CEP135: variants seen among roughly 807,000 people sequenced by gnomAD.
CEP135 encodes the protein centrosomal protein of 135 kDa.
CEP135 carries 142 observed loss-of-function variants against 157.3 expected under a neutral mutation model. The ratio of observed to expected loss-of-function variants is 0.90; its 90% CI spans 0.79 to 1.04. The LOEUF is 1.04. Among genes scored for constraint, CEP135 ranks in the 50% least tolerant of loss-of-function variants. The pLI is 0.00. For synonymous variants in CEP135, 396 were observed against 439.8 expected, an observed-to-expected ratio of 0.90 and a Z score of 1.25; for missense variants, 1,317 against 1,309.2, an observed-to-expected ratio of 1.01 and a Z score of -0.09.
intron 10 of CEP135, among the ~76,000 whole-genome samples, chr4:55,973,808 G>C (rs1397732461): frequency 6.6e-6 from 1 of 152,112 alleles, no homozygotes; most frequent in Non-Finnish European, 1.5e-5. Flanking sequence ...GTCCACTCCA[G>C]TTGGCTTCTG....
chr4:55,950,000 A>C lies in CEP135; in HGVS notation c.-46+941A>C, dbSNP rs377399813. On this transcript the variant is annotated intron_variant, in intron 1 of 25. Transcript: ENST00000257287. ...TGTTTTGAGTGGTGCACCGCCTGTA[A>C]GTTTACACCCTGCTAGTAATACACC... Among the ~76,000 whole-genome samples, 355 of 152,312 alleles carry C rather than the reference A, an allele frequency of 2.3e-3. 1 individual carries two copies. The highest frequency in any genetic ancestry group is 8.2e-3 in the African/African-American group (341 of 41,548).
chr4:55,983,333 T>C (rs768536940), intron 13 of CEP135, among the ~76,000 whole-genome samples: 2 of 152,208 alleles, frequency 1.3e-5, no homozygotes, highest in African/African-American at 2.4e-5. Flanking sequence ...CCTTCTGGGT[T>C]GTAGGAGGCA....
intron 11 of CEP135, among the ~76,000 whole-genome samples, chr4:55,976,996 A>C (rs1577879912): frequency 6.9e-6 from 1 of 144,324 alleles, no homozygotes; most frequent in Non-Finnish European, 1.5e-5. Flanking sequence ...TGTTTTTTGT[A>C]TTTTTTGTAG....
intron 8 of CEP135, among the ~76,000 whole-genome samples, chr4:55,968,368 A>G (rs116773626): frequency 0.025 from 3,666 of 144,660 alleles, 68 homozygotes; most frequent in Admixed American, 0.062. Flanking sequence ...TCAAAATCCC[A>G]GTGGTGTTTT....
chr4:56,010,013 T>A (rs1730515907), intron 19 of CEP135, 110 bp downstream of exon 19: 3 of 1,139,594 alleles, frequency 2.6e-6, no homozygotes, highest in Non-Finnish European at 3.8e-6. Context: ...ATAAGTGACA[T>A]AAATAATTCA....
intron 24 of CEP135, among the ~76,000 whole-genome samples, chr4:56,021,674 T>C (rs1730975693): frequency 6.6e-6 from 1 of 152,210 alleles, no homozygotes; most frequent in Admixed American, 6.5e-5. Context: ...ACGTCAAAAC[T>C]TTGTAGTGAT....
rs1016339697 is a variant in CEP135 at position 55,959,688 on chromosome 4, A to G, written c.621A>G (p.Gln207=). ...AATTTAAAGTGCTTTTCAGGATTCA[A>G]GAACTTCAACAGGAAGTCCACCAGC... ...DLLQVADNRI[Q]ELQQEVHQLQ... is the part of the protein sequence containing the mutation. Residue 207 remains glutamine (Q), a synonymous_variant, in exon 6 of 26, where the codon CAA becomes CAG. Transcript: ENST00000257287. 2.5e-6 allele frequency: 4 copies of G among 1,613,788 alleles called. No homozygotes were observed. Among genetic ancestry groups the G allele is most frequent in the Admixed American group, 3.3e-5 (2 of 60,006 alleles).
intron 24 of CEP135, among the ~76,000 whole-genome samples, chr4:56,023,853 A>G (rs1731059199): frequency 2.2e-5 from 3 of 138,942 alleles, no homozygotes; most frequent in Admixed American, 7.6e-5. Context: ...TATAATATAT[A>G]GTACTTATAT....
intron 17 of CEP135, among the ~76,000 whole-genome samples, chr4:56,007,655 A>G (rs1019582565): frequency 6.6e-6 from 1 of 152,200 alleles, no homozygotes; most frequent in Admixed American, 6.5e-5. Context: ...CCAAGATAGT[A>G]GAAAAGCTGA....
chr4:56,000,295 C>G (rs1423844969), intron 17 of CEP135, among the ~76,000 whole-genome samples: 1 of 152,128 alleles, frequency 6.6e-6, no homozygotes, highest in Non-Finnish European at 1.5e-5. Context: ...ATAATCAAGT[C>G]AGGGTAATTG....
chr4:55,964,387 T>G lies in CEP135; in HGVS notation c.813T>G (p.Ala271=), dbSNP rs111958646. 70 of 1,606,888 alleles carry G rather than the reference T, an allele frequency of 4.4e-5. No homozygotes were observed. The African/African-American group carries it at 7.3e-4, about 17-fold the overall frequency. The change falls in exon 7 of 26, where the codon GCT becomes GCG. Residue 271 remains alanine, a synonymous_variant. Transcript: ENST00000257287. The part of the protein sequence containing the change: ...SRNKTNEKLI[A]HLNIQVDFLQ... Reference sequence around the variant, plus strand: ...ATAAAACCAATGAAAAGCTTATTGCTCATTTAAATATTCAGGTAATGGCTT... The same window carrying G: ...ATAAAACCAATGAAAAGCTTATTGCGCATTTAAATATTCAGGTAATGGCTT...
chr4:56,021,399 C>A (rs1480306180), intron 24 of CEP135, among the ~76,000 whole-genome samples: 2 of 152,134 alleles, frequency 1.3e-5, no homozygotes, highest in African/African-American at 4.8e-5. Context: ...TCAATGTATT[C>A]CCTACAGCTT....
chr4:55,972,967 G>T (rs1729076444), intron 10 of CEP135, among the ~76,000 whole-genome samples: 2 of 152,076 alleles, frequency 1.3e-5, no homozygotes, highest in Non-Finnish European at 2.9e-5. Flanking sequence ...GGAGGCGGAG[G>T]TTGCAGTGAG....
chr4:56,019,423 A>G lies in CEP135; in HGVS notation c.3083A>G (p.His1028Arg), dbSNP rs1371676056. The G allele has an allele frequency of 1.2e-6, 2 of 1,613,938 alleles. No individual in the cohort carries two copies. Among genetic ancestry groups the G allele is most frequent in the South Asian group, 1.1e-5 (1 of 91,074 alleles). Residue 1028 changes from histidine to arginine, a missense_variant, in exon 23 of 26, where the codon CAT becomes CGT. By Grantham distance (29) the His-to-Arg change is conservative. Transcript: ENST00000257287. ...AAAAAACAACTTTCAAATGAGAGACATACAGTTAAAAACCTCGAATCATTG... is the reference window on the plus strand; with the variant it reads ...AAAAAACAACTTTCAAATGAGAGACGTACAGTTAAAAACCTCGAATCATTG... The part of the protein sequence containing the change: ...LLKKQLSNER[H>R]TVKNLESLLA...
At chr4:55,953,769 T>C (rs1340604695) in intron 3 of CEP135, among the ~76,000 whole-genome samples, 1 of 152,258 alleles carries the variant, frequency 6.6e-6, no homozygotes, top group African/African-American at 2.4e-5. Context: ...AAGTAGTAAA[T>C]AAGGTGAAAA....
At chr4:55,991,078 C>T (rs960097782) in intron 14 of CEP135, among the ~76,000 whole-genome samples, 5 of 151,892 alleles carry the variant, frequency 3.3e-5, no homozygotes, top group East Asian at 1.9e-4. Flanking sequence ...AGGGTTCAAG[C>T]GATTCTCCTG....
At chr4:56,003,646 A>T (rs1730253240) in intron 17 of CEP135, among the ~76,000 whole-genome samples, 1 of 149,692 alleles carries the variant, frequency 6.7e-6, no homozygotes, top group African/African-American at 2.4e-5. Context: ...CATCATCACT[A>T]GTTTGTTTAT....
chr4:56,016,321 G>A (rs1730771872), intron 21 of CEP135, among the ~76,000 whole-genome samples: 1 of 152,106 alleles, frequency 6.6e-6, no homozygotes, highest in Non-Finnish European at 1.5e-5. Context: ...CACCTAATTT[G>A]TGGTAGTTGG....
At chr4:55,980,055 G>T in intron 11 of CEP135, 88 bp from the exon 12 acceptor site, 1 of 1,074,658 alleles carries the variant, frequency 9.3e-7, no homozygotes. Flanking sequence ...CTTTTTGTCT[G>T]GTAGCATCTT....
Sources: allele counts gnomAD v4.1 joint callset (sites outside exome capture counted in the v4.1 genomes callset), GRCh38; gene constraint gnomAD v4.1.1; transcripts MANE v1.5; gene names NCBI Gene and HGNC (gene_info 2026-07-23, HGNC 2026-07-21).